GADL1: variants seen among roughly 807,000 people sequenced by gnomAD.
GADL1 encodes the protein acidic amino acid decarboxylase GADL1.
Under a neutral mutation model 69.5 loss-of-function variants are expected in GADL1, and 71 were observed. The observed-to-expected ratio is 1.02, with a 90% CI of 0.84 to 1.25. The LOEUF (loss-of-function observed/expected upper bound fraction) is 1.25, where lower values mean the gene tolerates loss of function less well. Ranked by LOEUF, GADL1 falls within the 50% of genes most tolerant of loss-of-function variation. The pLI is 0.00. For missense variants in GADL1, 737 were observed against 631.8 expected (o/e 1.17, Z -1.79); for synonymous variants, 254 against 214.4 (o/e 1.18, Z -1.62).
intron 12 of GADL1, among the ~76,000 whole-genome samples, chr3:30,794,935 C>T (rs1697001954): frequency 6.6e-6 from 1 of 152,116 alleles, no homozygotes; most frequent in South Asian, 2.1e-4. Flanking sequence ...TGTAATTCTT[C>T]CTGTATCATT....
intron 11 of GADL1, among the ~76,000 whole-genome samples, chr3:30,821,588 CT>C (rs1456443741): frequency 2.0e-5 from 3 of 151,804 alleles, no homozygotes; most frequent in Admixed American, 6.6e-5. Flanking sequence ...ATAAATATTA[CT>C]AGGTTGGAAG....
intron 14 of GADL1, among the ~76,000 whole-genome samples, chr3:30,766,548 T>C (rs562827018): frequency 1.5e-5 from 2 of 130,882 alleles, no homozygotes; most frequent in East Asian, 4.3e-4. Flanking sequence ...TAACATATCA[T>C]TACTGTGATT....
intron 11 of GADL1, among the ~76,000 whole-genome samples, chr3:30,821,060 A>C (rs961652636): frequency 1.3e-5 from 2 of 152,126 alleles, no homozygotes; most frequent in Non-Finnish European, 2.9e-5. Flanking sequence ...ATTCTCAGTA[A>C]ACTTATCGTA....
chr3:30,734,771 A>G (rs866266432), intron 14 of GADL1, among the ~76,000 whole-genome samples: 23 of 152,326 alleles, frequency 1.5e-4, no homozygotes, highest in Admixed American at 2.0e-4. Context: ...CAAATGAGAC[A>G]TCTTACATAC....
rs535879345 is a variant in GADL1 at position 30,821,067 on chromosome 3, C to T, written c.1050+12786G>A. 2.6e-4 allele frequency among the ~76,000 whole-genome samples: 40 copies of T among 152,104 alleles called. 1 individual carries two copies. Among genetic ancestry groups the T allele is most frequent in the Admixed American group, 5.2e-4 (8 of 15,270 alleles). On this transcript the variant is annotated intron_variant, in intron 11 of 14. Coordinates refer to ENST00000282538, the MANE Select transcript of GADL1 (RefSeq NM_207359.3). The stretch of plus-strand genomic sequence containing the variant: ...AAATCATCATTCTCAGTAAACTTAT[C>T]GTAAAGACAAAAAACCAAACACCAC...
chr3:30,758,114 A>C (rs1324212342), intron 14 of GADL1, among the ~76,000 whole-genome samples: 3 of 152,174 alleles, frequency 2.0e-5, no homozygotes, highest in Non-Finnish European at 4.4e-5. Flanking sequence ...CCAAGAGCAA[A>C]ACCAAATCTG....
At chr3:30,827,782 T>G (rs1256775327) in intron 11 of GADL1, among the ~76,000 whole-genome samples, 1 of 151,926 alleles carries the variant, frequency 6.6e-6, no homozygotes, top group African/African-American at 2.4e-5. Flanking sequence ...TCTGTTTGAT[T>G]TCTCAACTTT....
At chr3:30,777,196 T>C (rs905935016) in intron 14 of GADL1, among the ~76,000 whole-genome samples, 2 of 152,106 alleles carry the variant, frequency 1.3e-5, no homozygotes, top group Non-Finnish European at 2.9e-5. Context: ...GTAGGGAGTC[T>C]TTTGTTTTTT....
chr3:30,763,209 A>G (rs1380701407), intron 14 of GADL1, among the ~76,000 whole-genome samples: 1 of 152,172 alleles, frequency 6.6e-6, no homozygotes, highest in Non-Finnish European at 1.5e-5. Flanking sequence ...TCATAAATTG[A>G]AAGTATTGGC....
chr3:30,882,380 C>T (rs1000573436), intron 1 of GADL1, among the ~76,000 whole-genome samples: 1 of 151,990 alleles, frequency 6.6e-6, no homozygotes, highest in South Asian at 2.1e-4. Flanking sequence ...ATCCTGTTTT[C>T]TGTTTCTGTG....
chr3:30,752,503 G>A (rs1695848906), intron 14 of GADL1, among the ~76,000 whole-genome samples: 3 of 152,150 alleles, frequency 2.0e-5, no homozygotes, highest in Non-Finnish European at 4.4e-5. Context: ...GATAGCCCTG[G>A]CGATGAGGAT....
chr3:30,794,733 AAATTGGAATCATTG>A (rs1696993807), intron 12 of GADL1, among the ~76,000 whole-genome samples: 1 of 152,204 alleles, frequency 6.6e-6, no homozygotes, highest in African/African-American at 2.4e-5. Flanking sequence ...ACAACCCATA[AAATTGGAATCATTG>A]TCCTCCTGAA....
At chr3:30,745,374 A>G (rs1252341533) in intron 14 of GADL1, among the ~76,000 whole-genome samples, 3 of 152,220 alleles carry the variant, frequency 2.0e-5, no homozygotes, top group Non-Finnish European at 4.4e-5. Flanking sequence ...TTAGATCCCT[A>G]ATTATATTGA....
At chr3:30,753,130 T>C (rs1196077155) in intron 14 of GADL1, among the ~76,000 whole-genome samples, 1 of 152,208 alleles carries the variant, frequency 6.6e-6, no homozygotes, top group Admixed American at 6.6e-5. Context: ...GTCAGTTATT[T>C]AGTCTGATTT....
chr3:30,739,724 G>A (rs917074448), intron 14 of GADL1, among the ~76,000 whole-genome samples: 19 of 152,002 alleles, frequency 1.2e-4, no homozygotes, highest in Admixed American at 9.8e-4. Context: ...TACTTCTGTC[G>A]CTGAATCAAA....
chr3:30,838,283 A>G (rs888170360), intron 9 of GADL1, among the ~76,000 whole-genome samples: 5 of 152,128 alleles, frequency 3.3e-5, no homozygotes, highest in Non-Finnish European at 5.9e-5. Context: ...AAAGCTCCAC[A>G]AGTGTTCATA....
At chr3:30,859,739 G>A (rs1249312671) in intron 2 of GADL1, among the ~76,000 whole-genome samples, 4 of 151,876 alleles carry the variant, frequency 2.6e-5, no homozygotes, top group African/African-American at 4.8e-5. Context: ...CCAAGCTTGG[G>A]TATATATCTG....
At position 30,787,748 on chromosome 3, in the gene GADL1, C is replaced by G. The variant is rs149022914; in HGVS notation, c.1251-1342G>C. On this transcript the variant is annotated intron_variant, in intron 12 of 14. Coordinates refer to ENST00000282538, the MANE Select transcript of GADL1 (RefSeq NM_207359.3). The stretch of plus-strand genomic sequence containing the variant: ...GGCCTCAAGTCTCTTACCTGTAAAA[C>G]TGGACTAATACAATCTTCTTCAATT... Among the ~76,000 whole-genome samples, 287 of 152,180 alleles carry G rather than the reference C, an allele frequency of 1.9e-3. No homozygotes were observed. In the South Asian group the frequency reaches 0.02, roughly 11 times the overall value.
rs746250558 is a variant in GADL1 at position 30,728,298 on chromosome 3, G to A, written c.1510C>T (p.Arg504Trp). The A allele has an allele frequency of 4.0e-5, 64 of 1,613,784 alleles. No individual in the cohort carries two copies. In the East Asian group the frequency reaches 1.0e-3, roughly 26 times the overall value. Residue 504 changes from arginine (R) to tryptophan (W), a missense_variant, in exon 15 of 15, where the codon CGG becomes TGG. By Grantham distance (101) the Arg-to-Trp change is moderately radical. Coordinates refer to ENST00000282538, the MANE Select transcript of GADL1 (RefSeq NM_207359.3). ...TCCAGGAGGAAGTCCATGTCCTCCC[G>A]GCTCACTTGAGGGCTGATCACCACC... is the stretch of plus-strand genomic sequence containing the variant. ...RQVVISPQVS[R>W]EDMDFLLDEI...
Sources: allele counts gnomAD v4.1 joint callset (sites outside exome capture counted in the v4.1 genomes callset), GRCh38; gene constraint gnomAD v4.1.1; transcripts MANE v1.5; gene names NCBI Gene and HGNC (gene_info 2026-07-23, HGNC 2026-07-21).